The following XCR1 variants were observed in gnomAD, a reference collection of about 807,000 sequenced individuals.
The protein encoded by XCR1 is chemokine XC receptor 1.
For missense variants in XCR1, 356 were observed against 424.2 expected (o/e 0.84, Z 1.41); for synonymous variants, 187 against 188.5 (o/e 0.99, Z 0.06).
At chr3:46,041,017 T>C (rs746234938) in intron 5 of XCR1, among the ~76,000 whole-genome samples, 10 of 152,216 alleles carry the variant, frequency 6.6e-5, no homozygotes, top group Non-Finnish European at 2.9e-5. Flanking sequence ...TTTCAGAGTC[T>C]GCAGAATTTT....
chr3:46,031,275 C>T (rs561096916), upstream of XCR1, among the ~76,000 whole-genome samples: 28 of 152,348 alleles, frequency 1.8e-4, no homozygotes, highest in African/African-American at 6.0e-4. Flanking sequence ...TCTGCACTGT[C>T]GGGGGCCTGG....
chr3:46,060,682 G>A (rs533718416), intron 4 of XCR1, among the ~76,000 whole-genome samples: 3 of 152,294 alleles, frequency 2.0e-5, no homozygotes, highest in South Asian at 2.1e-4. Context: ...ATTACCTATG[G>A]TAATAGTGAG....
exon 2 of XCR1, among the ~76,000 whole-genome samples, chr3:46,076,744 T>G (rs138967191): frequency 2.0e-5 from 3 of 152,136 alleles, no homozygotes; most frequent in African/African-American, 7.2e-5. Context: ...ACTGACCTTA[T>G]CAGGTTGGCC....
intron 1 of XCR1, among the ~76,000 whole-genome samples, chr3:46,022,959 CTA>C (rs1708187716): frequency 6.6e-6 from 1 of 152,060 alleles, no homozygotes; most frequent in Admixed American, 6.5e-5. Flanking sequence ...ATAAAGGAAA[CTA>C]TATTCATAAT....
chr3:46,083,327 T>A (rs924969673), intron 1 of XCR1, among the ~76,000 whole-genome samples: 2 of 152,238 alleles, frequency 1.3e-5, no homozygotes, highest in African/African-American at 4.8e-5. Flanking sequence ...TCACCAGCCA[T>A]GGTCCTGTAA....
intron 1 of XCR1, among the ~76,000 whole-genome samples, chr3:46,078,740 G>C (rs538314826): frequency 6.6e-6 from 1 of 152,316 alleles, no homozygotes; most frequent in African/African-American, 2.4e-5. Context: ...ATGAGAGTGA[G>C]TTCTCTTGCT....
rs531549448 is a variant in XCR1 at position 46,023,869 on chromosome 3, T to C, written c.-31-1891A>G. 5.9e-6 allele frequency: 9 copies of C among 1,527,502 alleles called. No individual in the cohort carries two copies. The African/African-American group carries it at 8.2e-5, about 14-fold the overall frequency. The allele number at this position is 1,527,502 out of a possible 1,614,324, so 94.6% of individuals were successfully genotyped here. The stretch of plus-strand genomic sequence containing the variant: ...ATTCCTTGTGGCTGAGAATGAAAGA[T>C]TAAGGAAAGAAAATAACTAAAGGCT... On this transcript the variant is annotated intron_variant, in intron 1 of 1. Transcript: ENST00000309285.
At position 46,021,962 on chromosome 3, in the gene XCR1, A is replaced by C; in HGVS notation, c.-15T>G. The C allele has an allele frequency of 6.3e-7, 1 of 1,596,062 alleles. No homozygotes were observed. Among genetic ancestry groups the C allele is most frequent in the South Asian group, 1.1e-5 (1 of 87,500 alleles). ...GAGGACTCCATCTGGACCAGATGGC[A>C]GGGACGTTTAGAGCATCTGAAATGA... On this transcript the variant is annotated 5_prime_UTR_variant, in exon 2 of 2. Transcript: ENST00000309285. The surrounding 1 kb of genome is among the most constrained non-coding windows in gnomAD (Gnocchi z 4.7).
At chr3:46,060,031 G>A (rs1697931718) in intron 4 of XCR1, among the ~76,000 whole-genome samples, 1 of 152,182 alleles carries the variant, frequency 6.6e-6, no homozygotes, top group Non-Finnish European at 1.5e-5. Context: ...TAGATGATAA[G>A]AGTATAAAGA....
intron 4 of XCR1, among the ~76,000 whole-genome samples, chr3:46,065,007 C>T (rs1394411082): frequency 6.6e-6 from 1 of 152,080 alleles, no homozygotes; most frequent in Non-Finnish European, 1.5e-5. Flanking sequence ...AGGAGAATTG[C>T]TTGAACCAGC....
intron 4 of XCR1, among the ~76,000 whole-genome samples, chr3:46,057,886 A>ATCTATCTGTCTG (rs1697880926): frequency 2.1e-5 from 1 of 48,160 alleles, no homozygotes; most frequent in African/African-American, 8.3e-5. Context: ...CTGTCTGTCT[A>ATCTATCTGTCTG]TCTATCTATC....
At position 46,019,930 on chromosome 3, in the gene XCR1, G is replaced by C. The variant is rs1227785175; in HGVS notation, c.*1016C>G. 6.6e-6 allele frequency: 1 copy of C among 152,212 alleles called. No homozygotes were observed. The highest frequency in any genetic ancestry group is 1.9e-4 in the East Asian group (1 of 5,190). The allele number at this position is 152,212 out of a possible 1,614,324, so 9.4% of individuals were successfully genotyped here. On this transcript the variant is annotated 3_prime_UTR_variant, in exon 2 of 2. Transcript: ENST00000309285. Reference sequence around the variant, plus strand: ...AATGAGTCAACTCTGAAAGCCACTAGACAGGCATAGTCATTTGGACCTGGC... The same window carrying C: ...AATGAGTCAACTCTGAAAGCCACTACACAGGCATAGTCATTTGGACCTGGC...
upstream of XCR1, among the ~76,000 whole-genome samples, chr3:46,032,280 G>GTTCCTAGC (rs1364249963): frequency 6.6e-6 from 1 of 152,204 alleles, no homozygotes; most frequent in African/African-American, 2.4e-5. Context: ...GGGCCTTGTG[G>GTTCCTAGC]TTCCTAGCAT....
chr3:46,033,287 G>A (rs974380), intron 5 of XCR1, among the ~76,000 whole-genome samples: 126,587 of 152,210 alleles, frequency 0.83, 53,370 homozygotes, highest in East Asian at 0.99. Context: ...GATTTTCTCC[G>A]GTGTTACTTG....
chr3:46,036,057 T>A (rs1338190890), intron 5 of XCR1, among the ~76,000 whole-genome samples: 1 of 152,252 alleles, frequency 6.6e-6, no homozygotes, highest in Admixed American at 6.5e-5. Context: ...TGATTGTGTG[T>A]GTATCATGGG....
rs528500588 is a variant in XCR1, at chr3:46,020,171, G to A, written c.*775C>T. 51 of 152,414 alleles carry A rather than the reference G, an allele frequency of 3.3e-4. No homozygotes were observed. Among genetic ancestry groups the A allele is most frequent in the African/African-American group, 1.2e-3 (50 of 41,592 alleles). The allele number at this position is 152,414 out of a possible 1,614,324, so 9.4% of individuals were successfully genotyped here. On this transcript the variant is annotated 3_prime_UTR_variant, in exon 2 of 2. Coordinates refer to ENST00000309285, the MANE Select transcript of XCR1 (RefSeq NM_001024644.2). ...TTCACCAAGGTGGGTGTTCACCAAG[G>A]TAGGTGAGCCTTTGGAGCTGGGCTG... is the stretch of plus-strand genomic sequence containing the variant.
At chr3:46,040,539 T>G (rs1003397630) in intron 5 of XCR1, among the ~76,000 whole-genome samples, 1 of 152,202 alleles carries the variant, frequency 6.6e-6, no homozygotes, top group African/African-American at 2.4e-5. Flanking sequence ...ATGTTGCTAA[T>G]GTGTGTTCCA....
intron 3 of XCR1, among the ~76,000 whole-genome samples, chr3:46,072,023 T>C (rs1698172557): frequency 6.6e-6 from 1 of 152,172 alleles, no homozygotes; most frequent in South Asian, 2.1e-4. Context: ...GTAAAATTAT[T>C]TCTGCTTGCT....
chr3:46,031,013 T>C (rs566196625), upstream of XCR1, among the ~76,000 whole-genome samples: 32 of 152,326 alleles, frequency 2.1e-4, no homozygotes, highest in East Asian at 5.6e-3. Context: ...CCAGAACCAC[T>C]GTGGGGAAAA....
Sources: allele counts gnomAD v4.1 joint callset (sites outside exome capture counted in the v4.1 genomes callset), GRCh38; gene constraint gnomAD v4.1.1; non-coding constraint Gnocchi (gnomAD v3.1); transcripts MANE v1.5; gene names NCBI Gene and HGNC (gene_info 2026-07-23, HGNC 2026-07-21).